Variants in CDH4 observed in about 807,000 individuals in gnomAD.
The protein encoded by CDH4 is cadherin-4.
Under a neutral mutation model 86.0 loss-of-function variants are expected in CDH4, and 33 were observed. That is an observed-to-expected ratio of 0.38 (90% CI 0.29 to 0.51). The LOEUF is 0.51. CDH4 is among the 20% of genes least tolerant of loss of function. CDH4 has a pLI of 0.86. For synonymous variants in CDH4, 555 were observed against 549.4 expected (o/e 1.01, Z -0.14); for missense variants, 1,114 against 1,307.4 (o/e 0.85, Z 2.28).
At chr20:61,622,835 G>C (rs2086789936) in intron 2 of CDH4, among the ~76,000 whole-genome samples, 1 of 152,154 alleles carries the variant, frequency 6.6e-6, no homozygotes, top group African/African-American at 2.4e-5. Context: ...CATCCCCTGG[G>C]GACAGAATTG....
intron 2 of CDH4, among the ~76,000 whole-genome samples, chr20:61,716,316 A>ACCTG (rs2087952670): frequency 2.1e-5 from 3 of 144,758 alleles, no homozygotes; most frequent in African/African-American, 8.2e-5. Context: ...CTCCTCACCC[A>ACCTG]TGAGCTGCCT....
chr20:61,422,372 C>A (rs2427089), intron 2 of CDH4, among the ~76,000 whole-genome samples: 1 of 131,696 alleles, frequency 7.6e-6, no homozygotes, highest in Admixed American at 8.5e-5. Context: ...TGCAGTGAGC[C>A]GAGATCGTGC....
chr20:61,457,272 C>T (rs2145553937), intron 2 of CDH4, among the ~76,000 whole-genome samples: 1 of 152,272 alleles, frequency 6.6e-6, no homozygotes. Context: ...TCTCTGCCCA[C>T]CTCTACTGTC....
intron 3 of CDH4, among the ~76,000 whole-genome samples, chr20:61,761,992 G>A (rs1053620493): frequency 6.6e-6 from 1 of 152,252 alleles, no homozygotes; most frequent in Admixed American, 6.5e-5. Flanking sequence ...TGGGCGCAAG[G>A]AAAAGCTGCA....
At chr20:61,321,640 G>A (rs141987269) in intron 2 of CDH4, among the ~76,000 whole-genome samples, 14 of 152,258 alleles carry the variant, frequency 9.2e-5, no homozygotes, top group Admixed American at 3.3e-4. Context: ...TTCCGGCTTC[G>A]TCAAATTCAG....
intron 7 of CDH4, among the ~76,000 whole-genome samples, chr20:61,874,336 C>T (rs78243518): frequency 0.032 from 4,878 of 152,212 alleles, 143 homozygotes; most frequent in East Asian, 0.18. Context: ...CTGGCTGTGA[C>T]GAAGGGGGCA....
At chr20:61,772,473 C>T (rs1568806773) in intron 3 of CDH4, among the ~76,000 whole-genome samples, 1 of 152,176 alleles carries the variant, frequency 6.6e-6, no homozygotes, top group Non-Finnish European at 1.5e-5. Context: ...TGTGAATTAT[C>T]TATTCATGTC....
At chr20:61,853,048 A>G in intron 6 of CDH4, 150 bp downstream of exon 6, 1 of 809,678 alleles carries the variant, frequency 1.2e-6, no homozygotes, top group Non-Finnish European at 1.9e-6. Context: ...GCAGACGTCC[A>G]CCAAAGCCCC....
chr20:61,285,801 A>G (rs2084290061), intron 2 of CDH4, among the ~76,000 whole-genome samples: 1 of 152,250 alleles, frequency 6.6e-6, no homozygotes, highest in African/African-American at 2.4e-5. Context: ...GCCTCATTAG[A>G]AGACCTGGCG....
At chr20:61,350,942 C>A (rs6101325) in intron 2 of CDH4, among the ~76,000 whole-genome samples, 1 of 151,936 alleles carries the variant, frequency 6.6e-6, no homozygotes, top group Non-Finnish European at 1.5e-5. Flanking sequence ...CAGAGACCAT[C>A]GCTCTAGGCT....
At chr20:61,563,859 G>A (rs764588097) in intron 2 of CDH4, among the ~76,000 whole-genome samples, 1 of 152,184 alleles carries the variant, frequency 6.6e-6, no homozygotes, top group Admixed American at 6.5e-5. Context: ...AACCCAGGCA[G>A]GTTCTGCACC....
chr20:61,934,307 C>T (rs1052817269), intron 15 of CDH4, 87 bp downstream of exon 15: 1 of 1,402,426 alleles, frequency 7.1e-7, no homozygotes, highest in Non-Finnish European at 9.5e-7. Context: ...GCCATCTCCA[C>T]AGTGCCGGCG....
chr20:61,856,618 AC>A (rs199872676), intron 6 of CDH4, among the ~76,000 whole-genome samples: 40 of 94,658 alleles, frequency 4.2e-4, no homozygotes, highest in Non-Finnish European at 6.8e-5. Flanking sequence ...TCCTGTGTGT[AC>A]CCCCACATTC....
At chr20:61,627,794 C>G (rs1168954925) in intron 2 of CDH4, among the ~76,000 whole-genome samples, 1 of 151,980 alleles carries the variant, frequency 6.6e-6, no homozygotes, top group Non-Finnish European at 1.5e-5. Context: ...AGGGTGGGTC[C>G]CTGCCCGCTA....
At chr20:61,899,662 C>A (rs905309964) in intron 8 of CDH4, among the ~76,000 whole-genome samples, 4 of 152,126 alleles carry the variant, frequency 2.6e-5, no homozygotes, top group African/African-American at 9.7e-5. Flanking sequence ...CTCCTGACCT[C>A]GTGATCCGCC....
At chr20:61,878,142 G>A (rs1984125481) in intron 7 of CDH4, among the ~76,000 whole-genome samples, 1 of 152,280 alleles carries the variant, frequency 6.6e-6, no homozygotes, top group Non-Finnish European at 1.5e-5. Flanking sequence ...CGTGGCCATG[G>A]CGTCCTCATT....
intron 2 of CDH4, among the ~76,000 whole-genome samples, chr20:61,662,825 C>T (rs2087275233): frequency 6.6e-6 from 1 of 152,184 alleles, no homozygotes; most frequent in African/African-American, 2.4e-5. Context: ...GGGAGGCTCA[C>T]ACAGTGCCCT....
intron 2 of CDH4, among the ~76,000 whole-genome samples, chr20:61,545,896 T>TGTGTGTGTGTGTGG: frequency 1.3e-5 from 1 of 77,780 alleles, no homozygotes; most frequent in African/African-American, 4.9e-5. Flanking sequence ...TATGTGTTCG[T>TGTGTGTGTGTGTGG]ATGTGTGTGT....
intron 6 of CDH4, among the ~76,000 whole-genome samples, chr20:61,868,685 G>A (rs75151263): frequency 1.4e-5 from 1 of 73,990 alleles, no homozygotes; most frequent in Non-Finnish European, 3.3e-5. Flanking sequence ...CACACTGGCC[G>A]GGTGTCCCTC....
Sources: gnomAD v4.1 joint callset for allele counts (sites outside exome capture counted in the v4.1 genomes callset) on GRCh38, gnomAD v4.1.1 for gene constraint, MANE v1.5 for transcripts, NCBI Gene and HGNC (gene_info 2026-07-23, HGNC 2026-07-21) for gene names.